HYCC1: variants seen among roughly 807,000 people sequenced by gnomAD.
HYCC1 encodes hyccin PI4KA lipid kinase complex subunit 1.
chr7:22,971,975 A>T, the HYCC1 span, among the ~76,000 whole-genome samples: 17 of 152,194 alleles, frequency 1.1e-4, 1 homozygote, highest in Admixed American at 2.6e-4. Context: ...GTTTCCAAAT[A>T]AAATAACAAG....
At chr7:22,927,637 A>C in the HYCC1 span, among the ~76,000 whole-genome samples, 1 of 152,234 alleles carries the variant, frequency 6.6e-6, no homozygotes, top group African/African-American at 2.4e-5. Flanking sequence ...TAAACCAGGA[A>C]GAAGTTGAAT....
At chr7:22,945,221 T>TA in the HYCC1 span, 1 of 295,766 alleles carries the variant, frequency 3.4e-6, no homozygotes. Flanking sequence ...TAGGAGCTAT[T>TA]AAAAAACCAA....
the HYCC1 span, among the ~76,000 whole-genome samples, chr7:22,926,293 G>C: frequency 1.3e-5 from 2 of 149,668 alleles, no homozygotes; most frequent in Admixed American, 1.3e-4. Flanking sequence ...AAAATAACCA[G>C]CTAACATCAT....
chr7:22,913,039 A>T, the HYCC1 span, among the ~76,000 whole-genome samples: 2 of 151,978 alleles, frequency 1.3e-5, no homozygotes, highest in Non-Finnish European at 2.9e-5. Flanking sequence ...CAGGAGAATC[A>T]ATTGAACCTA....
chr7:22,928,043 A>G, the HYCC1 span, among the ~76,000 whole-genome samples: 2 of 152,248 alleles, frequency 1.3e-5, no homozygotes, highest in Admixed American at 1.3e-4. Flanking sequence ...ACGAAAATCA[A>G]TAAACGTAAT....
chr7:22,978,446 C>T, the HYCC1 span: 2 of 1,613,236 alleles, frequency 1.2e-6, no homozygotes, highest in Non-Finnish European at 1.7e-6. Context: ...CAGGTTCTAG[C>T]AACTAGAAGA....
the HYCC1 span, among the ~76,000 whole-genome samples, chr7:22,898,256 C>A: frequency 6.6e-6 from 1 of 152,034 alleles, no homozygotes; most frequent in Non-Finnish European, 1.5e-5. Context: ...CTCTGTCACC[C>A]AGGCTGGAGT....
At chr7:22,909,991 T>C in the HYCC1 span, among the ~76,000 whole-genome samples, 1 of 152,096 alleles carries the variant, frequency 6.6e-6, no homozygotes, top group African/African-American at 2.4e-5. Context: ...ACTGAATGAA[T>C]TACATACGGA....
chr7:23,003,325 A>T, the HYCC1 span, among the ~76,000 whole-genome samples: 1 of 152,132 alleles, frequency 6.6e-6, no homozygotes, highest in African/African-American at 2.4e-5. Flanking sequence ...GACTTAGGGG[A>T]TTCACAGTCT....
At chr7:22,946,782 T>C in the HYCC1 span, among the ~76,000 whole-genome samples, 3 of 152,090 alleles carry the variant, frequency 2.0e-5, no homozygotes, top group Non-Finnish European at 4.4e-5. Flanking sequence ...GCCTCAGTTT[T>C]CATAAAAATT....
the HYCC1 span, chr7:22,960,344 A>C: frequency 1.2e-6 from 2 of 1,613,280 alleles, no homozygotes; most frequent in Non-Finnish European, 1.7e-6. Context: ...TTTCAACTTG[A>C]ATACACCTTG....
At chr7:22,947,342 C>A in the HYCC1 span, 1 of 1,004,112 alleles carries the variant, frequency 1.0e-6, no homozygotes, top group Admixed American at 2.4e-5. Context: ...AATTAGATGA[C>A]TGAATGTTAT....
the HYCC1 span, among the ~76,000 whole-genome samples, chr7:22,972,577 A>G: frequency 6.6e-6 from 1 of 152,180 alleles, no homozygotes; most frequent in Non-Finnish European, 1.5e-5. Flanking sequence ...GAAAGAAATC[A>G]TTTCCTCAAA....
At chr7:22,978,301 T>C in the HYCC1 span, 8 of 1,614,012 alleles carry the variant, frequency 5.0e-6, no homozygotes, top group Admixed American at 6.7e-5. Flanking sequence ...AGAGCTTCAA[T>C]GCATCCACTG....
the HYCC1 span, among the ~76,000 whole-genome samples, chr7:22,984,959 A>C: frequency 1.3e-5 from 2 of 152,338 alleles, no homozygotes; most frequent in African/African-American, 4.8e-5. Flanking sequence ...CTCCAGTAGT[A>C]AGTCAGATGA....
At chr7:22,976,667 T>TA in the HYCC1 span, 9,420 of 1,354,814 alleles carry the variant, frequency 7.0e-3, 50 homozygotes, top group Non-Finnish European at 8.0e-3. Flanking sequence ...TGGATTAAGA[T>TA]AAGAATTTTT....
the HYCC1 span, chr7:22,946,075 G>C: frequency 1.2e-6 from 2 of 1,613,564 alleles, no homozygotes; most frequent in South Asian, 2.2e-5. Context: ...AACCCGACTG[G>C]CTGGTACTAG....
At chr7:22,995,556 A>G in the HYCC1 span, among the ~76,000 whole-genome samples, 3 of 152,186 alleles carry the variant, frequency 2.0e-5, no homozygotes, top group African/African-American at 7.2e-5. Flanking sequence ...AGAACACCCA[A>G]TGGCCAAAGC....
the HYCC1 span, among the ~76,000 whole-genome samples, chr7:22,994,664 A>G: frequency 6.6e-6 from 1 of 152,128 alleles, no homozygotes; most frequent in Non-Finnish European, 1.5e-5. Flanking sequence ...CACGCATGCA[A>G]GCTCAGAATA....
Sources: allele counts gnomAD v4.1 joint callset (sites outside exome capture counted in the v4.1 genomes callset), GRCh38; gene constraint gnomAD v4.1.1; transcripts MANE v1.5; gene names NCBI Gene and HGNC (gene_info 2026-07-23, HGNC 2026-07-21).